The following VWA3B variants were observed in gnomAD, a reference collection of about 807,000 sequenced individuals.
VWA3B encodes von Willebrand factor A domain containing 3B.
A neutral mutation model predicts 158.3 loss-of-function variants in VWA3B; 138 were observed. The observed-to-expected ratio is 0.87, with a 90% CI of 0.76 to 1.00. VWA3B has a LOEUF of 1.00. VWA3B is among the 50% of genes least tolerant of loss of function. VWA3B has a pLI of 0.00. For missense variants in VWA3B, 1,555 were observed against 1,565.1 expected (o/e 0.99, Z 0.11); for synonymous variants, 596 against 587.3 (o/e 1.01, Z -0.21).
At chr2:98,128,907 A>G (rs1202904132) in intron 6 of VWA3B, among the ~76,000 whole-genome samples, 1 of 151,870 alleles carries the variant, frequency 6.6e-6, no homozygotes, top group African/African-American at 2.4e-5. Flanking sequence ...AAAGGTCCTC[A>G]CCTACCTTTC....
At chr2:98,139,321 C>G (rs560122431) in intron 7 of VWA3B, among the ~76,000 whole-genome samples, 79 of 152,366 alleles carry the variant, frequency 5.2e-4, no homozygotes, top group African/African-American at 1.7e-3. Flanking sequence ...CAAGCCTCCC[C>G]GACGAGCGCC....
chr2:98,252,338 T>G (rs1686850953), intron 20 of VWA3B, among the ~76,000 whole-genome samples: 1 of 152,192 alleles, frequency 6.6e-6, no homozygotes, highest in South Asian at 2.1e-4. Flanking sequence ...ATTCCATTCT[T>G]CAAATTCAGT....
intron 20 of VWA3B, among the ~76,000 whole-genome samples, chr2:98,252,461 C>T (rs567830383): frequency 3.9e-5 from 6 of 152,182 alleles, no homozygotes; most frequent in Middle Eastern, 3.4e-3. Context: ...TGCAGGGCCA[C>T]GAGCTAGATA....
At chr2:98,137,914 A>G (rs1352244137) in intron 7 of VWA3B, among the ~76,000 whole-genome samples, 3 of 152,252 alleles carry the variant, frequency 2.0e-5, no homozygotes, top group Non-Finnish European at 4.4e-5. Flanking sequence ...AATTAAAAAC[A>G]TTCCTACTTT....
intron 25 of VWA3B, 152 bp downstream of exon 25, chr2:98,300,368 C>T (rs1690102689): frequency 8.7e-7 from 1 of 1,145,208 alleles, no homozygotes; most frequent in East Asian, 2.5e-5. Context: ...CACCGTGCCA[C>T]ACAGACCCTG....
chr2:98,287,512 G>A (rs1381384366), intron 22 of VWA3B, among the ~76,000 whole-genome samples: 1 of 152,122 alleles, frequency 6.6e-6, no homozygotes, highest in Non-Finnish European at 1.5e-5. Flanking sequence ...AAGGCTACAG[G>A]GGATTTTGAA....
the VWA3B span, among the ~76,000 whole-genome samples, chr2:98,324,227 A>G: frequency 6.6e-6 from 1 of 151,928 alleles, no homozygotes; most frequent in Non-Finnish European, 1.5e-5. Flanking sequence ...CAGTTGTGCA[A>G]TCTTAGCTCA....
In VWA3B at chr2:98,121,234, C is replaced by T. The variant is rs1025651689; in HGVS notation, c.543-65C>T. The T allele has an allele frequency of 2.9e-5, 45 of 1,555,446 alleles. No individual in the cohort carries two copies. The African/African-American group carries it at 3.4e-4, about 12-fold the overall frequency. ...CAGCTTGCTGCTCATGGCTGTGAGA[C>T]GGAGGTTTGGCATCCCAGTAGCACT... On this transcript the variant is annotated intron_variant, in intron 4 of 27. Coordinates refer to ENST00000477737, the MANE Select transcript of VWA3B (RefSeq NM_144992.5).
intron 14 of VWA3B, among the ~76,000 whole-genome samples, chr2:98,225,567 T>C (rs1009127394): frequency 6.6e-6 from 1 of 152,146 alleles, no homozygotes; most frequent in East Asian, 1.9e-4. Flanking sequence ...ACCGCTGTGA[T>C]TCAACATACT....
intron 6 of VWA3B, among the ~76,000 whole-genome samples, chr2:98,132,099 T>A (rs1021394233): frequency 6.6e-6 from 1 of 152,222 alleles, no homozygotes; most frequent in African/African-American, 2.4e-5. Flanking sequence ...TTAGCTCATC[T>A]GGGGCATGCT....
intron 19 of VWA3B, chr2:98,245,545 C>T (rs1218625683): frequency 2.2e-6 from 1 of 456,886 alleles, no homozygotes; most frequent in Non-Finnish European, 4.4e-6. Context: ...GAGCTACTAT[C>T]ACACTGAAGC....
At chr2:98,239,921 A>T (rs1005420198) in intron 19 of VWA3B, among the ~76,000 whole-genome samples, 1 of 152,072 alleles carries the variant, frequency 6.6e-6, no homozygotes, top group Admixed American at 6.5e-5. Context: ...TAAAAAAAAA[A>T]AAAGAAAGAA....
At position 98,154,290 on chromosome 2, in the gene VWA3B, T is replaced by C. The variant is rs537791722; in HGVS notation, c.989-8561T>C. ...GATTCAAAAGGAATAAAAGACAAGGTTCCCAGTCGGCGGGGAGCCCCAGAT... is the reference window on the plus strand; with the variant it reads ...GATTCAAAAGGAATAAAAGACAAGGCTCCCAGTCGGCGGGGAGCCCCAGAT... On this transcript the variant is annotated intron_variant, in intron 7 of 27. Coordinates refer to ENST00000477737, the MANE Select transcript of VWA3B (RefSeq NM_144992.5). 1.1e-3 allele frequency among the ~76,000 whole-genome samples: 163 copies of C among 152,300 alleles called. 1 individual carries two copies. Among genetic ancestry groups the C allele is most frequent in the African/African-American group, 3.7e-3 (152 of 41,566 alleles).
At chr2:98,220,250 G>A (rs1684386632) in intron 14 of VWA3B, among the ~76,000 whole-genome samples, 1 of 151,496 alleles carries the variant, frequency 6.6e-6, no homozygotes, top group African/African-American at 2.4e-5. Context: ...CATTAAAGGG[G>A]AGTACTTTAG....
intron 21 of VWA3B, among the ~76,000 whole-genome samples, chr2:98,269,998 C>T (rs1688099739): frequency 6.6e-6 from 1 of 152,138 alleles, no homozygotes; most frequent in African/African-American, 2.4e-5. Flanking sequence ...TTCTTTCTCC[C>T]TACCCATTCC....
chr2:98,187,966 T>A lies in VWA3B; in HGVS notation c.1312-9T>A. ...TCTGAGTGGCTTCTGTCCTTTGTCA[T>A]CTCCTTAGGAGACGAACAAGAAGAC... On this transcript the variant is annotated splice_polypyrimidine_tract_variant and intron_variant, in intron 9 of 27. Transcript: ENST00000477737. The A allele has an allele frequency of 6.3e-7, 1 of 1,599,856 alleles. No homozygotes were observed. The highest frequency in any genetic ancestry group is 8.5e-7 in the Non-Finnish European group (1 of 1,172,736).
chr2:98,222,463 C>T (rs1297055163), intron 14 of VWA3B, among the ~76,000 whole-genome samples: 4 of 152,204 alleles, frequency 2.6e-5, no homozygotes, highest in Non-Finnish European at 4.4e-5. Context: ...TGGGAAGCCT[C>T]GTTGTCTCTG....
At chr2:98,245,351 T>C (rs1686325702) in intron 19 of VWA3B, 1 of 327,706 alleles carries the variant, frequency 3.1e-6, no homozygotes, top group Non-Finnish European at 6.0e-6. Flanking sequence ...CTTATGAGAA[T>C]GCCCCTTATG....
At chr2:98,207,443 A>T (rs368096185) in intron 12 of VWA3B, 1 of 483,314 alleles carries the variant, frequency 2.1e-6, no homozygotes, top group Non-Finnish European at 4.1e-6. Flanking sequence ...AAATCCCTCC[A>T]TACGTTATTG....
Sources: allele counts gnomAD v4.1 joint callset (sites outside exome capture counted in the v4.1 genomes callset), GRCh38; gene constraint gnomAD v4.1.1; transcripts MANE v1.5; gene names NCBI Gene and HGNC (gene_info 2026-07-23, HGNC 2026-07-21).